GRIN3A: variants seen among roughly 807,000 people sequenced by gnomAD.
The protein encoded by GRIN3A is glutamate ionotropic receptor NMDA type subunit 3A.
A neutral mutation model predicts 92.4 loss-of-function variants in GRIN3A; 47 were observed. The ratio of observed to expected loss-of-function variants is 0.51; its 90% CI spans 0.40 to 0.65. The LOEUF (loss-of-function observed/expected upper bound fraction) is 0.65. Among genes scored for constraint, GRIN3A ranks in the 30% least tolerant of loss-of-function variants. The pLI is 0.00. For missense variants in GRIN3A, 1,324 were observed against 1,393.1 expected, an observed-to-expected ratio of 0.95 and a Z score of 0.79; for synonymous variants, 527 against 540.6, an observed-to-expected ratio of 0.97 and a Z score of 0.35.
At chr9:101,576,636 A>T (rs1827831148) in intron 8 of GRIN3A, among the ~76,000 whole-genome samples, 1 of 152,190 alleles carries the variant, frequency 6.6e-6, no homozygotes, top group Non-Finnish European at 1.5e-5. Context: ...GTTATTAAAA[A>T]TTTATGTTAA....
intron 2 of GRIN3A, among the ~76,000 whole-genome samples, chr9:101,677,012 A>G: frequency 6.6e-6 from 1 of 150,790 alleles, no homozygotes; most frequent in Admixed American, 6.6e-5. Context: ...ACAAGTTCAC[A>G]CTTATGTAGT....
chr9:101,608,305 C>G (rs181012220), intron 6 of GRIN3A, among the ~76,000 whole-genome samples: 1 of 152,290 alleles, frequency 6.6e-6, no homozygotes, highest in East Asian at 1.9e-4. Flanking sequence ...GTGGGCCCAA[C>G]ATTGCCTGGA....
intron 6 of GRIN3A, among the ~76,000 whole-genome samples, chr9:101,597,221 G>T (rs1431927892): frequency 1.3e-5 from 2 of 152,116 alleles, no homozygotes; most frequent in African/African-American, 4.8e-5. Flanking sequence ...GCTCTGATTG[G>T]TCTCACTTGG....
At chr9:101,633,671 G>C (rs2118887736) in intron 3 of GRIN3A, among the ~76,000 whole-genome samples, 1 of 152,234 alleles carries the variant, frequency 6.6e-6, no homozygotes, top group East Asian at 1.9e-4. Flanking sequence ...GAGAGATCTA[G>C]GTTGCACATC....
chr9:101,666,426 A>G (rs574312868), intron 3 of GRIN3A, among the ~76,000 whole-genome samples: 20 of 152,042 alleles, frequency 1.3e-4, no homozygotes, highest in African/African-American at 4.8e-4. Context: ...CTTTCTTACA[A>G]GTTGGAGCTA....
chr9:101,576,743 C>T (rs1369429826), intron 8 of GRIN3A, among the ~76,000 whole-genome samples: 1 of 152,010 alleles, frequency 6.6e-6, no homozygotes, highest in East Asian at 1.9e-4. Context: ...GCAGGAATAC[C>T]ACAGACTGAG....
chr9:101,678,697 G>A (rs1372421111), intron 2 of GRIN3A, among the ~76,000 whole-genome samples: 1 of 152,122 alleles, frequency 6.6e-6, no homozygotes, highest in Non-Finnish European at 1.5e-5. Context: ...ACTAATCTAT[G>A]TGGTGGGGTC....
chr9:101,634,332 C>CAAAA (rs10664535), intron 3 of GRIN3A, among the ~76,000 whole-genome samples: 919 of 68,304 alleles, frequency 0.013, 30 homozygotes, highest in Non-Finnish European at 0.017. Context: ...GACTCCGTCT[C>CAAAA]AAAAAAAAAA....
intron 1 of GRIN3A, among the ~76,000 whole-genome samples, chr9:101,733,638 C>A (rs10760807): frequency 0.45 from 68,883 of 151,952 alleles, 15,859 homozygotes; most frequent in Non-Finnish European, 0.5. Flanking sequence ...TCATGAGGTA[C>A]CCCTGTGCCA....
At chr9:101,677,445 T>C (rs1829413476) in intron 2 of GRIN3A, among the ~76,000 whole-genome samples, 1 of 152,124 alleles carries the variant, frequency 6.6e-6, no homozygotes. Flanking sequence ...ATGCCAATAT[T>C]CTGTCTTGTT....
intron 6 of GRIN3A, among the ~76,000 whole-genome samples, chr9:101,581,107 C>G (rs1827882254): frequency 6.6e-6 from 1 of 152,192 alleles, no homozygotes; most frequent in African/African-American, 2.4e-5. Flanking sequence ...TTATATCTTT[C>G]CTTTTAAACA....
chr9:101,651,624 G>A (rs1353053522), intron 3 of GRIN3A, among the ~76,000 whole-genome samples: 1 of 140,876 alleles, frequency 7.1e-6, no homozygotes, highest in African/African-American at 2.7e-5. Flanking sequence ...GAAGATGTAT[G>A]CAATAAATCC....
intron 1 of GRIN3A, among the ~76,000 whole-genome samples, chr9:101,712,969 A>G (rs973198027): frequency 6.6e-6 from 1 of 152,246 alleles, no homozygotes; most frequent in African/African-American, 2.4e-5. Context: ...AAACTAAGGC[A>G]TAGAGAGCTT....
chr9:101,639,973 T>C (rs72745361), intron 3 of GRIN3A, among the ~76,000 whole-genome samples: 6,864 of 152,282 alleles, frequency 0.045, 231 homozygotes, highest in Non-Finnish European at 0.07. Flanking sequence ...TTGTTTGTCA[T>C]GGCTAAATAG....
intron 1 of GRIN3A, among the ~76,000 whole-genome samples, chr9:101,703,356 T>C (rs1316414993): frequency 3.3e-5 from 5 of 152,186 alleles, no homozygotes; most frequent in African/African-American, 9.7e-5. Context: ...TTCCTCTAGA[T>C]CACTATGCGG....
At chr9:101,578,511 A>G (rs922519766) in intron 7 of GRIN3A, among the ~76,000 whole-genome samples, 1 of 152,236 alleles carries the variant, frequency 6.6e-6, no homozygotes, top group South Asian at 2.1e-4. Context: ...AGAGGCCAGG[A>G]TGGCTCATCC....
chr9:101,687,220 AAAG>A lies in GRIN3A; in HGVS notation c.700-23_700-21del. The stretch of plus-strand genomic sequence containing the variant: ...GGGATTCTGTATTTAAAGATATGAA[AAAG>A]AAGAATTAGAAAGCATTGGCCAAAG... On this transcript the variant is annotated intron_variant, in intron 1 of 8. Transcript: ENST00000361820. 6.2e-7 allele frequency: 1 copy of A among 1,613,284 alleles called. No individual in the cohort carries two copies. The highest frequency in any genetic ancestry group is 8.5e-7 in the Non-Finnish European group (1 of 1,179,496).
At chr9:101,668,110 C>G (rs1173633970) in intron 3 of GRIN3A, among the ~76,000 whole-genome samples, 2 of 152,080 alleles carry the variant, frequency 1.3e-5, no homozygotes, top group Non-Finnish European at 1.5e-5. Flanking sequence ...AAAAATTTCA[C>G]TCTTTATTCT....
intron 3 of GRIN3A, among the ~76,000 whole-genome samples, chr9:101,637,505 G>C (rs1291278948): frequency 6.6e-6 from 1 of 152,158 alleles, no homozygotes; most frequent in Non-Finnish European, 1.5e-5. Context: ...AGATGTTACA[G>C]ATCTTTTAGT....
Sources: gnomAD v4.1 joint callset for allele counts (sites outside exome capture counted in the v4.1 genomes callset) on GRCh38, gnomAD v4.1.1 for gene constraint, MANE v1.5 for transcripts, NCBI Gene and HGNC (gene_info 2026-07-23, HGNC 2026-07-21) for gene names.